Variants in SEMA3E observed in about 807,000 individuals in gnomAD.
SEMA3E encodes semaphorin-3E.
Under a neutral mutation model 93.6 loss-of-function variants are expected in SEMA3E, and 49 were observed. The observed-to-expected ratio is 0.52, with a 90% CI of 0.42 to 0.66. SEMA3E has a LOEUF of 0.66. Among genes scored for constraint, SEMA3E ranks in the 30% least tolerant of loss-of-function variants. The pLI is 0.00. For synonymous variants in SEMA3E, 363 were observed against 330.7 expected (o/e 1.10, Z -1.06); for missense variants, 906 against 964.8 (o/e 0.94, Z 0.81).
At chr7:83,416,755 A>C (rs1014970163) in intron 5 of SEMA3E, among the ~76,000 whole-genome samples, 1 of 151,990 alleles carries the variant, frequency 6.6e-6, no homozygotes, top group Non-Finnish European at 1.5e-5. Flanking sequence ...ACATATTAAA[A>C]TCTTTATGAA....
At chr7:83,406,189 C>A in intron 7 of SEMA3E, 130 bp from the exon 8 acceptor site, 2 of 728,796 alleles carry the variant, frequency 2.7e-6, no homozygotes, top group South Asian at 2.9e-5. Context: ...TGGCATAATT[C>A]TCAAGTAATG....
At chr7:83,406,670 A>G (rs114890500) in intron 7 of SEMA3E, among the ~76,000 whole-genome samples, 2,130 of 152,172 alleles carry the variant, frequency 0.014, 47 homozygotes, top group African/African-American at 0.049. Context: ...AATGTTCCCA[A>G]ACAACCTCTC....
chr7:83,436,189 T>TAC (rs1448608614), intron 4 of SEMA3E, among the ~76,000 whole-genome samples: 1 of 151,622 alleles, frequency 6.6e-6, no homozygotes. Flanking sequence ...TGTGTGTGTG[T>TAC]ACACACACAC....
intron 9 of SEMA3E, among the ~76,000 whole-genome samples, chr7:83,404,251 G>A (rs1788285763): frequency 6.6e-6 from 1 of 151,918 alleles, no homozygotes; most frequent in Admixed American, 6.6e-5. Flanking sequence ...CTCTGTTGAA[G>A]AAAAGGTCTC....
intron 4 of SEMA3E, among the ~76,000 whole-genome samples, chr7:83,440,143 G>A (rs1789083339): frequency 6.6e-6 from 1 of 152,080 alleles, no homozygotes; most frequent in Non-Finnish European, 1.5e-5. Flanking sequence ...CTAAGTTCAT[G>A]GTAATCCTCC....
At chr7:83,602,398 A>G (rs768194598) in intron 1 of SEMA3E, among the ~76,000 whole-genome samples, 5 of 152,046 alleles carry the variant, frequency 3.3e-5, no homozygotes, top group Admixed American at 6.6e-5. Context: ...TCACATAAGC[A>G]TGCCTATCTC....
intron 1 of SEMA3E, among the ~76,000 whole-genome samples, chr7:83,575,492 T>G (rs954086452): frequency 1.5e-4 from 23 of 152,172 alleles, no homozygotes; most frequent in African/African-American, 5.3e-4. Context: ...AGGTATTTAT[T>G]AAAGTCATTT....
intron 4 of SEMA3E, among the ~76,000 whole-genome samples, chr7:83,426,297 T>G (rs1240366520): frequency 6.6e-6 from 1 of 152,228 alleles, no homozygotes; most frequent in Non-Finnish European, 1.5e-5. Flanking sequence ...GCAGCATTAT[T>G]CACCATAGCA....
intron 1 of SEMA3E, among the ~76,000 whole-genome samples, chr7:83,631,535 C>T (rs1215546592): frequency 1.3e-5 from 2 of 152,264 alleles, no homozygotes; most frequent in African/African-American, 2.4e-5. Context: ...TTCCTGAAGA[C>T]ATTAAATGTG....
At chr7:83,519,478 C>T (rs966241792) in intron 1 of SEMA3E, among the ~76,000 whole-genome samples, 1 of 152,046 alleles carries the variant, frequency 6.6e-6, no homozygotes, top group East Asian at 1.9e-4. Flanking sequence ...AGTAGATATA[C>T]TAAATTTTTT....
chr7:83,506,441 G>GA (rs1790706900), intron 1 of SEMA3E, among the ~76,000 whole-genome samples: 1 of 151,984 alleles, frequency 6.6e-6, no homozygotes, highest in Admixed American at 6.6e-5. Context: ...GGACATAGCA[G>GA]AAGGATAGTT....
At chr7:83,387,989 A>T (rs1278873236) in intron 14 of SEMA3E, among the ~76,000 whole-genome samples, 2 of 146,528 alleles carry the variant, frequency 1.4e-5, no homozygotes, top group Non-Finnish European at 3.0e-5. Flanking sequence ...TATATATATT[A>T]TGTATATAAT....
At chr7:83,486,397 T>C (rs1353903596) in intron 2 of SEMA3E, among the ~76,000 whole-genome samples, 2 of 151,868 alleles carry the variant, frequency 1.3e-5, no homozygotes, top group Non-Finnish European at 2.9e-5. Context: ...AGCTCAGAGA[T>C]AGAGAAAGCA....
chr7:83,592,016 G>T (rs215313), intron 1 of SEMA3E, among the ~76,000 whole-genome samples: 38,603 of 151,772 alleles, frequency 0.25, 4,953 homozygotes, highest in Middle Eastern at 0.3. Context: ...GTAATGTTTT[G>T]TTCCAATTGT....
At chr7:83,481,860 T>C (rs1790152140) in intron 2 of SEMA3E, among the ~76,000 whole-genome samples, 1 of 152,220 alleles carries the variant, frequency 6.6e-6, no homozygotes, top group African/African-American at 2.4e-5. Flanking sequence ...TGCATATTCA[T>C]ATAAGTTCTG....
intron 2 of SEMA3E, among the ~76,000 whole-genome samples, chr7:83,485,165 T>G (rs1200724517): frequency 6.6e-6 from 1 of 152,212 alleles, no homozygotes; most frequent in Non-Finnish European, 1.5e-5. Flanking sequence ...AATGAAATAC[T>G]GGAAACCACC....
chr7:83,449,000 T>C (rs1294182104), intron 4 of SEMA3E, among the ~76,000 whole-genome samples: 1 of 152,194 alleles, frequency 6.6e-6, no homozygotes, highest in East Asian at 1.9e-4. Context: ...GTTAAGTACT[T>C]AATTTACTAC....
At chr7:83,571,396 C>A (rs1792283878) in intron 1 of SEMA3E, among the ~76,000 whole-genome samples, 1 of 152,116 alleles carries the variant, frequency 6.6e-6, no homozygotes, top group African/African-American at 2.4e-5. Flanking sequence ...GGCTTTATTC[C>A]TGGGATACAA....
rs566044474 is a variant in SEMA3E, at chr7:83,627,726, G to C, written c.115+20702C>G. On this transcript the variant is annotated intron_variant, in intron 1 of 16. Transcript: ENST00000643230. ...TATGTATGTCTTTGTATGTGAGATA[G>C]GTCTCCTGAATACAGCACACTGATA... Among the ~76,000 whole-genome samples the C allele has an allele frequency of 2.8e-5, 4 of 145,148 alleles. No homozygotes were observed. The South Asian group carries it at 9.1e-4, about 33-fold the overall frequency.
Sources: gnomAD v4.1 joint callset for allele counts (sites outside exome capture counted in the v4.1 genomes callset) on GRCh38, gnomAD v4.1.1 for gene constraint, MANE v1.5 for transcripts, NCBI Gene and HGNC (gene_info 2026-07-23, HGNC 2026-07-21) for gene names.